The following PTPRD variants were observed in gnomAD, a reference collection of about 807,000 sequenced individuals.
The protein encoded by PTPRD is protein tyrosine phosphatase receptor type D.
In PTPRD, 34 loss-of-function variants were observed where a neutral mutation model predicts 214.5. The ratio of observed to expected loss-of-function variants is 0.16; its 90% confidence interval spans 0.12 to 0.21. The LOEUF (loss-of-function observed/expected upper bound fraction) is 0.21, where lower values mean the gene tolerates loss of function less well. Among genes scored for constraint, PTPRD ranks in the 10% least tolerant of loss-of-function variants. PTPRD has a pLI of 1.00. For synonymous variants in PTPRD, 1,128 were observed against 845.7 expected (o/e 1.33, Z -5.79); for missense variants, 2,545 against 2,398.7 (o/e 1.06, Z -1.27).
chr9:8,716,554 A>T (rs543393980), intron 12 of PTPRD, among the ~76,000 whole-genome samples: 15 of 152,308 alleles, frequency 9.8e-5, no homozygotes, highest in African/African-American at 3.6e-4. Flanking sequence ...CCCTACACAG[A>T]GATTGAAAGC....
At chr9:8,845,812 G>T (rs188259494) in intron 11 of PTPRD, among the ~76,000 whole-genome samples, 4 of 152,300 alleles carry the variant, frequency 2.6e-5, no homozygotes, top group East Asian at 1.9e-4. Context: ...TCTTGCTCTT[G>T]TGAGTCTGGC....
At chr9:9,765,718 T>C (rs1000601131) in intron 6 of PTPRD, among the ~76,000 whole-genome samples, 1 of 152,218 alleles carries the variant, frequency 6.6e-6, no homozygotes, top group Non-Finnish European at 1.5e-5. Flanking sequence ...TGGAGTGCAG[T>C]GGCATGATCT....
At chr9:10,016,390 T>C (rs1177122096) in intron 4 of PTPRD, among the ~76,000 whole-genome samples, 1 of 142,570 alleles carries the variant, frequency 7.0e-6, no homozygotes, top group South Asian at 2.3e-4. Flanking sequence ...GATAGATAGA[T>C]AGATAGACAG....
At chr9:10,147,756 T>A (rs2099033498) in intron 3 of PTPRD, among the ~76,000 whole-genome samples, 1 of 152,140 alleles carries the variant, frequency 6.6e-6, no homozygotes, top group Admixed American at 6.6e-5. Flanking sequence ...GGCAGGCTCC[T>A]GTAATCCCAG....
At chr9:10,234,926 G>C (rs1416654025) in intron 3 of PTPRD, among the ~76,000 whole-genome samples, 2 of 151,670 alleles carry the variant, frequency 1.3e-5, no homozygotes, top group African/African-American at 2.4e-5. Flanking sequence ...TATGAAACAA[G>C]ATTATAATAG....
chr9:9,045,526 G>A (rs1404498925), intron 10 of PTPRD, among the ~76,000 whole-genome samples: 2 of 152,136 alleles, frequency 1.3e-5, no homozygotes, highest in Non-Finnish European at 2.9e-5. Context: ...AAACTTCAAG[G>A]TAACAGTTGA....
chr9:9,865,198 T>C (rs1253289588), intron 5 of PTPRD, among the ~76,000 whole-genome samples: 3 of 152,188 alleles, frequency 2.0e-5, no homozygotes, highest in Non-Finnish European at 4.4e-5. Context: ...TCACAAGCAA[T>C]AAATCTATTT....
intron 3 of PTPRD, among the ~76,000 whole-genome samples, chr9:10,146,803 G>C (rs1026498424): frequency 6.6e-6 from 1 of 152,132 alleles, no homozygotes; most frequent in African/African-American, 2.4e-5. Flanking sequence ...GGAGAGTGGA[G>C]ATTTGAGATG....
At chr9:9,490,053 G>C (rs2095835030) in intron 8 of PTPRD, among the ~76,000 whole-genome samples, 1 of 152,092 alleles carries the variant, frequency 6.6e-6, no homozygotes, top group Admixed American at 6.6e-5. Flanking sequence ...ATAAGATTAT[G>C]TGCAAATTTC....
chr9:9,372,748 T>A (rs367599207), intron 9 of PTPRD, among the ~76,000 whole-genome samples: 22 of 152,324 alleles, frequency 1.4e-4, no homozygotes, highest in Non-Finnish European at 2.5e-4. Context: ...CAGTGGCTGG[T>A]ACTGGTTGTT....
At chr9:9,073,142 G>A (rs1007376035) in intron 10 of PTPRD, among the ~76,000 whole-genome samples, 5 of 152,268 alleles carry the variant, frequency 3.3e-5, no homozygotes, top group South Asian at 4.1e-4. Context: ...GTAATAACAT[G>A]GTTGAGGTTC....
chr9:8,955,513 G>A (rs1475650709), intron 11 of PTPRD, among the ~76,000 whole-genome samples: 1 of 151,814 alleles, frequency 6.6e-6, no homozygotes, highest in Non-Finnish European at 1.5e-5. Context: ...GGAAATGGAA[G>A]TGCCCTTTCC....
intron 43 of PTPRD, 69 bp downstream of exon 43, chr9:8,338,853 G>GAGAGAGAGAGAGAGAA: frequency 6.9e-7 from 1 of 1,453,008 alleles, no homozygotes; most frequent in Non-Finnish European, 9.3e-7. Context: ...CTCCCAGAGA[G>GAGAGAGAGAGAGAGAA]AGAGAGAGAG....
chr9:9,787,636 C>A (rs1306457869), intron 5 of PTPRD, among the ~76,000 whole-genome samples: 1 of 151,632 alleles, frequency 6.6e-6, no homozygotes, highest in Non-Finnish European at 1.5e-5. Flanking sequence ...TTGGGACACC[C>A]AATAAGGTGG....
chr9:8,728,801 G>A (rs180809566), intron 12 of PTPRD, among the ~76,000 whole-genome samples: 7 of 152,098 alleles, frequency 4.6e-5, no homozygotes, highest in African/African-American at 1.7e-4. Context: ...CCAACATGGT[G>A]AAACCCCGTA....
intron 9 of PTPRD, among the ~76,000 whole-genome samples, chr9:9,327,588 T>C (rs2040499057): frequency 6.6e-6 from 1 of 152,162 alleles, no homozygotes; most frequent in Non-Finnish European, 1.5e-5. Context: ...AATAACATCT[T>C]GTATTCACTG....
chr9:9,512,540 C>T (rs571988310), intron 8 of PTPRD, among the ~76,000 whole-genome samples: 12 of 151,874 alleles, frequency 7.9e-5, no homozygotes, highest in East Asian at 1.9e-4. Flanking sequence ...AATGCAATTT[C>T]GCTTTCCAAT....
At chr9:9,454,864 TAC>T (rs970721241) in intron 8 of PTPRD, among the ~76,000 whole-genome samples, 18 of 151,390 alleles carry the variant, frequency 1.2e-4, no homozygotes, top group African/African-American at 4.4e-4. Context: ...TATATATATA[TAC>T]ATATTATGCA....
At chr9:9,864,516 C>T (rs1228967285) in intron 5 of PTPRD, among the ~76,000 whole-genome samples, 5 of 151,864 alleles carry the variant, frequency 3.3e-5, no homozygotes, top group African/African-American at 1.2e-4. Context: ...TTTGTTTTTA[C>T]TTTTTGTTTG....
Sources: allele counts gnomAD v4.1 joint callset (sites outside exome capture counted in the v4.1 genomes callset), GRCh38; gene constraint gnomAD v4.1.1; transcripts MANE v1.5; gene names NCBI Gene and HGNC (gene_info 2026-07-23, HGNC 2026-07-21).